PGLS: variants seen among roughly 807,000 people sequenced by gnomAD.
The protein encoded by PGLS is 6-phosphogluconolactonase.
Under a neutral mutation model 23.2 loss-of-function variants are expected in PGLS, and 21 were observed. The ratio of observed to expected loss-of-function variants is 0.91; its 90% CI spans 0.64 to 1.31. The LOEUF (loss-of-function observed/expected upper bound fraction) is 1.31. PGLS is among the 50% of genes most tolerant of loss of function. The pLI, the probability that PGLS is intolerant of heterozygous loss-of-function variation, is 0.00. For missense variants in PGLS, 410 were observed against 354.0 expected (o/e 1.16, Z -1.27); for synonymous variants, 179 against 165.4 (o/e 1.08, Z -0.63).
chr19:17,521,231 G>A lies in PGLS; in HGVS notation c.*150G>A. On this transcript the variant is annotated 3_prime_UTR_variant, in exon 5 of 5. Transcript: ENST00000252603. Reference sequence around the variant, plus strand: ...CCTCCGGCCAGCAGCCCTACCCGGGGCTCAACACACAGGCTGTGGCTCTGG... The same window carrying A: ...CCTCCGGCCAGCAGCCCTACCCGGGACTCAACACACAGGCTGTGGCTCTGG... The A allele has an allele frequency of 2.8e-6, 2 of 721,212 alleles. No individual in the cohort carries two copies. Among genetic ancestry groups the A allele is most frequent in the Non-Finnish European group, 4.4e-6 (2 of 450,080 alleles). 44.7% of individuals were successfully genotyped at this position (721,212 alleles called of 1,614,324 possible).
chr19:17,520,420 CCT>C (rs1392564647), intron 4 of PGLS: 1 of 151,868 alleles, frequency 6.6e-6, no homozygotes, highest in Non-Finnish European at 1.5e-5. Flanking sequence ...GTGGGAGGCG[CCT>C]GTAATCCCAG....
intron 1 of PGLS, chr19:17,512,217 TG>T: frequency 4.0e-6 from 2 of 501,638 alleles, no homozygotes; most frequent in Non-Finnish European, 7.0e-6. Flanking sequence ...CTGGGGGTCA[TG>T]CCGAGATGGT....
rs756992249 is a variant in PGLS at position 17,521,065 on chromosome 19, AG to A, written c.762del (p.Lys254AsnfsTer69). The A allele has an allele frequency of 1.2e-6, 2 of 1,601,742 alleles. No individual in the cohort carries two copies. The highest frequency in any genetic ancestry group is 8.5e-7 in the Non-Finnish European group (1 of 1,173,340). ...CGCCTCCTGACCGTGCCCTTCGAGA[AG>A]CATTCCACTTTGTAGCTGGCCAGAG... Reference protein sequence around the residue: ...AARLLTVPFEKHSTL With the variant: ...AARLLTVPFEXHSTL On this transcript the variant is annotated frameshift_variant, in exon 5 of 5. Transcript: ENST00000252603. LOFTEE classifies it high-confidence loss of function.
chr19:17,521,179 C>A lies in PGLS; in HGVS notation c.*98C>A. On this transcript the variant is annotated 3_prime_UTR_variant, in exon 5 of 5. Coordinates refer to ENST00000252603, the MANE Select transcript of PGLS (RefSeq NM_012088.3). ...TCCGGGCTCTCCTTTCAAAAAGCCACGTCGTGCTGCTGCTGGAAGCCAACA... is the reference window on the plus strand; with the variant it reads ...TCCGGGCTCTCCTTTCAAAAAGCCAAGTCGTGCTGCTGCTGGAAGCCAACA... The A allele has an allele frequency of 7.9e-7, 1 of 1,271,378 alleles. No individual in the cohort carries two copies. Among genetic ancestry groups the A allele is most frequent in the Non-Finnish European group, 1.1e-6 (1 of 944,030 alleles). 78.8% of individuals were successfully genotyped at this position (1,271,378 alleles called of 1,614,324 possible).
intron 4 of PGLS, 150 bp downstream of exon 4, chr19:17,518,000 G>GA (rs2075541339): frequency 9.9e-6 from 3 of 304,370 alleles, no homozygotes; most frequent in African/African-American, 4.8e-5. Flanking sequence ...ATTGCAATTA[G>GA]AAAAAAAGGA....
In PGLS at chr19:17,517,847, G is replaced by C. The variant is rs371889571; in HGVS notation, c.636G>C (p.Leu212=). 64 of 1,613,924 alleles carry C rather than the reference G, an allele frequency of 4.0e-5. No homozygotes were observed. In the South Asian group the frequency reaches 5.2e-4, roughly 13 times the overall value. Residue 212 remains leucine (L), a synonymous_variant, in exon 4 of 5, where the codon CTG becomes CTC. Coordinates refer to ENST00000252603, the MANE Select transcript of PGLS (RefSeq NM_012088.3). ...VATGEGKAAV[L]KRILEDQEEN... ...CTGGAGAAGGCAAGGCAGCTGTTCT[G>C]AAGGTAACAGCTGAGGGTTCTAGTC...
rs2075540214 is a variant in PGLS, at chr19:17,517,783, C to T, written c.572C>T (p.Pro191Leu). 1.9e-6 allele frequency: 3 copies of T among 1,614,110 alleles called. No homozygotes were observed. The highest frequency in any genetic ancestry group is 2.5e-6 in the Non-Finnish European group (3 of 1,179,976). The change falls in exon 4 of 5, where the codon CCT (proline) becomes CTT (leucine). Residue 191 changes from proline (P) to leucine (L), a missense_variant. By Grantham distance (98) the Pro-to-Leu change is moderately conservative. Coordinates refer to ENST00000252603, the MANE Select transcript of PGLS (RefSeq NM_012088.3). ...PPPQRVTLTL[P>L]VLNAARTVIF... is the part of the protein sequence containing the mutation. ...CCACAGCGTGTGACCCTCACACTAC[C>T]TGTCCTGAATGCAGCACGAACTGTC...
intron 1 of PGLS, chr19:17,512,207 C>T: frequency 1.9e-6 from 1 of 522,892 alleles, no homozygotes. Flanking sequence ...ACGGGGGCCA[C>T]TGGGGGTCAT....
Position 17,521,237 on chromosome 19 carries a change from C to T in PGLS, c.*156C>T, listed in dbSNP as rs1200838745. Reference sequence around the variant, plus strand: ...GCCAGCAGCCCTACCCGGGGCTCAACACACAGGCTGTGGCTCTGGACATCC... The same window carrying T: ...GCCAGCAGCCCTACCCGGGGCTCAATACACAGGCTGTGGCTCTGGACATCC... On this transcript the variant is annotated 3_prime_UTR_variant, in exon 5 of 5. Coordinates refer to ENST00000252603, the MANE Select transcript of PGLS (RefSeq NM_012088.3). 2.9e-6 allele frequency: 2 copies of T among 682,060 alleles called. No individual in the cohort carries two copies. The highest frequency in any genetic ancestry group is 4.8e-6 in the Non-Finnish European group (2 of 415,900). 42.3% of individuals were successfully genotyped at this position (682,060 alleles called of 1,614,324 possible).
intron 4 of PGLS, 117 bp downstream of exon 4, chr19:17,517,967 C>G (rs1568433377): frequency 6.5e-6 from 5 of 765,432 alleles, no homozygotes; most frequent in Non-Finnish European, 7.3e-6. Flanking sequence ...CTCAGTCATT[C>G]TTGGGTTGAA....
At chr19:17,514,744 C>A (rs1414032256) in intron 1 of PGLS, among the ~76,000 whole-genome samples, 1 of 152,144 alleles carries the variant, frequency 6.6e-6, no homozygotes, top group Non-Finnish European at 1.5e-5. Flanking sequence ...CCTCCGCCTC[C>A]TGGGTTCAAG....
In PGLS at chr19:17,519,249, G is replaced by T. The variant is rs375670942; in HGVS notation, c.639+1399G>T. ...GAATCACTTGAACCCGGGAGGCGGA[G>T]GTTGCTGTGGGCCGAGATCATGCCA... On this transcript the variant is annotated intron_variant, in intron 4 of 4. Transcript: ENST00000252603. 4.6e-5 allele frequency among the ~76,000 whole-genome samples: 7 copies of T among 150,828 alleles called. No individual in the cohort carries two copies. The South Asian group carries it at 8.4e-4, about 18-fold the overall frequency.
At chr19:17,516,843 T>TC (rs781133108) in intron 2 of PGLS, among the ~76,000 whole-genome samples, 8 of 151,062 alleles carry the variant, frequency 5.3e-5, no homozygotes, top group African/African-American at 1.7e-4. Context: ...CACCTTGGCC[T>TC]CCAAAGTGCT....
Position 17,517,730 on chromosome 19 carries a change from TC to T in PGLS, c.522del (p.Ile175SerfsTer12). On this transcript the variant is annotated frameshift_variant, in exon 4 of 5. Coordinates refer to ENST00000252603, the MANE Select transcript of PGLS (RefSeq NM_012088.3). LOFTEE classifies it high-confidence loss of function. The stretch of plus-strand genomic sequence containing the variant: ...CCAAGGAGCGGGAGAAGATTGTGGC[TC>T]CCATCAGTGACTCCCCGAAGCCACC... ...LLQEREKIVA[P>X]ISDSPKPPPQ... The T allele has an allele frequency of 1.9e-6, 3 of 1,614,076 alleles. No individual in the cohort carries two copies. Among genetic ancestry groups the T allele is most frequent in the Non-Finnish European group, 2.5e-6 (3 of 1,180,022 alleles).
intron 2 of PGLS, 55 bp downstream of exon 2, chr19:17,516,335 C>G (rs757279357): frequency 1.9e-6 from 3 of 1,573,148 alleles, no homozygotes; most frequent in Admixed American, 3.6e-5. Context: ...GGCCACACCC[C>G]GGGCAACAGA....
chr19:17,517,603 G>C, intron 3 of PGLS, 107 bp from the exon 4 acceptor site: 6 of 1,277,134 alleles, frequency 4.7e-6, no homozygotes, highest in Non-Finnish European at 6.7e-6. Context: ...GGGATTGTTA[G>C]TAGGATGGGA....
rs1451830314 is a variant in PGLS, at chr19:17,521,076, T to C, written c.772T>C (p.Leu258=). 1 of 1,598,214 alleles carries C rather than the reference T, an allele frequency of 6.3e-7. No individual in the cohort carries two copies. Among genetic ancestry groups the C allele is most frequent in the Non-Finnish European group, 8.5e-7 (1 of 1,171,510 alleles). Residue 258 remains leucine (L), a synonymous_variant, in exon 5 of 5, where the codon TTG becomes CTG. Transcript: ENST00000252603. The part of the protein sequence containing the change: ...LTVPFEKHST[L] ...CGTGCCCTTCGAGAAGCATTCCACT[T>C]TGTAGCTGGCCAGAGGGACGCCGCA...
chr19:17,517,420 G>A, intron 3 of PGLS, 31 bp downstream of exon 3: 1 of 1,528,822 alleles, frequency 6.5e-7, no homozygotes. Flanking sequence ...TTCCACCCTA[G>A]TCCTGAGCCC....
chr19:17,513,397 C>T (rs900266223), intron 1 of PGLS, among the ~76,000 whole-genome samples: 5 of 151,428 alleles, frequency 3.3e-5, no homozygotes, highest in African/African-American at 7.3e-5. Flanking sequence ...TGTGGTGGTG[C>T]GCACCTGTAA....
Sources: gnomAD v4.1 joint callset for allele counts (sites outside exome capture counted in the v4.1 genomes callset) on GRCh38, gnomAD v4.1.1 for gene constraint, MANE v1.5 for transcripts, NCBI Gene and HGNC (gene_info 2026-07-23, HGNC 2026-07-21) for gene names.